Variants in METTL15 observed in about 807,000 individuals in gnomAD.
The protein encoded by METTL15 is 12S rRNA N(4)-cytidine methyltransferase METTL15.
In METTL15, 34 loss-of-function variants were observed where a neutral mutation model predicts 38.3. The observed-to-expected ratio is 0.89, with a 90% CI of 0.68 to 1.18. The LOEUF (loss-of-function observed/expected upper bound fraction) is 1.18, where lower values mean the gene tolerates loss of function less well. Among genes scored for constraint, METTL15 ranks in the 50% most tolerant of loss-of-function variants. The pLI, the probability that METTL15 is intolerant of heterozygous loss-of-function variation, is 0.00. For synonymous variants in METTL15, 162 were observed against 170.9 expected (o/e 0.95, Z 0.41); for missense variants, 438 against 498.4 (o/e 0.88, Z 1.15).
At chr11:28,488,052 A>G (rs1273030441) in intron 6 of METTL15, among the ~76,000 whole-genome samples, 4 of 152,176 alleles carry the variant, frequency 2.6e-5, no homozygotes, top group Non-Finnish European at 4.4e-5. Flanking sequence ...TTAGATTTCT[A>G]CTTTGACTAG....
At chr11:28,425,037 A>C (rs2133424142) in intron 6 of METTL15, among the ~76,000 whole-genome samples, 1 of 152,314 alleles carries the variant, frequency 6.6e-6, no homozygotes, top group African/African-American at 2.4e-5. Context: ...AACCATTCAT[A>C]GTTTTTATAA....
chr11:28,147,354 G>T (rs1849922883), intron 3 of METTL15, among the ~76,000 whole-genome samples: 1 of 151,792 alleles, frequency 6.6e-6, no homozygotes, highest in East Asian at 1.9e-4. Flanking sequence ...TAGTTACAGA[G>T]TAGACAATCT....
chr11:28,289,717 T>G (rs934473251), intron 4 of METTL15, among the ~76,000 whole-genome samples: 16 of 152,186 alleles, frequency 1.1e-4, no homozygotes, highest in African/African-American at 3.9e-4. Flanking sequence ...TATAGCTGCA[T>G]AGCACCCTAT....
At chr11:28,467,773 A>G (rs534729227) in intron 6 of METTL15, among the ~76,000 whole-genome samples, 4 of 152,306 alleles carry the variant, frequency 2.6e-5, no homozygotes, top group South Asian at 2.1e-4. Flanking sequence ...ACAATAAACA[A>G]GTAAATAAAT....
At chr11:28,241,595 A>G (rs11030261) in intron 4 of METTL15, among the ~76,000 whole-genome samples, 1 of 151,878 alleles carries the variant, frequency 6.6e-6, no homozygotes, top group African/African-American at 2.4e-5. Context: ...GAACATGGGG[A>G]TTGTAGATAA....
chr11:28,378,519 C>T (rs901238525), intron 5 of METTL15, among the ~76,000 whole-genome samples: 6 of 152,224 alleles, frequency 3.9e-5, no homozygotes, highest in Non-Finnish European at 5.9e-5. Context: ...TCGGCTCGTG[C>T]ACGGTGCGTG....
chr11:28,253,340 G>A (rs1181150374), intron 4 of METTL15, among the ~76,000 whole-genome samples: 1 of 152,128 alleles, frequency 6.6e-6, no homozygotes, highest in Non-Finnish European at 1.5e-5. Context: ...TACATAGTAG[G>A]TGTATATATT....
chr11:28,278,869 C>T (rs966956133), intron 4 of METTL15, among the ~76,000 whole-genome samples: 30 of 152,132 alleles, frequency 2.0e-4, no homozygotes, highest in African/African-American at 7.2e-4. Flanking sequence ...CTCTGTCACC[C>T]AGGCTTGAGT....
chr11:28,199,554 G>A (rs927126741), intron 3 of METTL15, among the ~76,000 whole-genome samples: 6 of 151,764 alleles, frequency 4.0e-5, no homozygotes, highest in Non-Finnish European at 8.8e-5. Context: ...TTGCTTCTTG[G>A]CCAGTACAAC....
intron 4 of METTL15, among the ~76,000 whole-genome samples, chr11:28,280,941 T>A (rs985481156): frequency 2.0e-5 from 3 of 151,664 alleles, no homozygotes; most frequent in African/African-American, 7.3e-5. Flanking sequence ...TAACCAGTTA[T>A]CTTATAGTCC....
intron 3 of METTL15, among the ~76,000 whole-genome samples, chr11:28,171,839 T>G (rs945485563): frequency 6.6e-6 from 1 of 151,950 alleles, no homozygotes; most frequent in African/African-American, 2.4e-5. Context: ...TCACCCAGAC[T>G]GGAGTACAGT....
chr11:28,252,636 A>G (rs1854794718), intron 4 of METTL15, among the ~76,000 whole-genome samples: 1 of 152,118 alleles, frequency 6.6e-6, no homozygotes, highest in South Asian at 2.1e-4. Context: ...CTTTGCTTCT[A>G]GAATTTTTCC....
intron 4 of METTL15, among the ~76,000 whole-genome samples, chr11:28,258,023 T>C (rs1855043596): frequency 6.6e-6 from 1 of 152,210 alleles, no homozygotes; most frequent in African/African-American, 2.4e-5. Context: ...TACCCATCTT[T>C]CTTGGGAAGG....
chr11:28,505,452 C>G (rs1003457087), intron 6 of METTL15, among the ~76,000 whole-genome samples: 1 of 152,180 alleles, frequency 6.6e-6, no homozygotes, highest in Non-Finnish European at 1.5e-5. Flanking sequence ...CTGGTCAGCT[C>G]TGTCTAACTA....
chr11:28,495,506 A>G (rs1851528565), intron 6 of METTL15, among the ~76,000 whole-genome samples: 1 of 152,158 alleles, frequency 6.6e-6, no homozygotes, highest in African/African-American at 2.4e-5. Flanking sequence ...CCTCCTTTAC[A>G]TCGTGCTTGG....
intron 6 of METTL15, chr11:28,517,384 G>A (rs973317069): frequency 6.6e-6 from 1 of 151,306 alleles, no homozygotes; most frequent in African/African-American, 2.4e-5. Flanking sequence ...AATATGATAT[G>A]TCCTAATTGT....
At chr11:28,317,992 G>T (rs1459524790) in intron 6 of METTL15, among the ~76,000 whole-genome samples, 2 of 152,130 alleles carry the variant, frequency 1.3e-5, no homozygotes, top group African/African-American at 2.4e-5. Context: ...TAAGTTGTAA[G>T]CTAAAAACTC....
intron 3 of METTL15, among the ~76,000 whole-genome samples, chr11:28,206,071 G>A (rs1269022294): frequency 6.9e-6 from 1 of 145,760 alleles, no homozygotes; most frequent in Non-Finnish European, 1.5e-5. Context: ...TGTTCACTCT[G>A]ATGGTAGTTT....
intron 6 of METTL15, among the ~76,000 whole-genome samples, chr11:28,459,233 T>G (rs371203040): frequency 9.2e-5 from 14 of 152,340 alleles, no homozygotes; most frequent in African/African-American, 3.1e-4. Context: ...TTAGCTGATA[T>G]GTAACTACAT....
Sources: gnomAD v4.1 joint callset for allele counts (sites outside exome capture counted in the v4.1 genomes callset) on GRCh38, gnomAD v4.1.1 for gene constraint, MANE v1.5 for transcripts, NCBI Gene and HGNC (gene_info 2026-07-23, HGNC 2026-07-21) for gene names.